Variants in KLRG1 observed in about 807,000 individuals in gnomAD.
KLRG1 encodes killer cell lectin like receptor G1.
In KLRG1, 16 loss-of-function variants were observed where a neutral mutation model predicts 21.8. That is an observed-to-expected ratio of 0.73 (90% CI 0.50 to 1.11). The LOEUF (loss-of-function observed/expected upper bound fraction) is 1.11. Ranked by LOEUF, KLRG1 falls within the 50% of genes most tolerant of loss-of-function variation. The probability of loss-of-function intolerance (pLI) is 0.00; values close to 1 mark genes in which losing one functional copy is unlikely to be tolerated. For missense variants in KLRG1, 173 were observed against 218.3 expected (o/e 0.79, Z 1.31); for synonymous variants, 69 against 75.9 (o/e 0.91, Z 0.47).
At chr12:9,108,810 G>A in the KLRG1 span, among the ~76,000 whole-genome samples, 2 of 152,320 alleles carry the variant, frequency 1.3e-5, no homozygotes, top group Non-Finnish European at 2.9e-5. Context: ...ATGTAGACCC[G>A]CCTTAGGTGG....
the KLRG1 span, chr12:9,196,916 G>C: frequency 1.9e-6 from 2 of 1,030,834 alleles, no homozygotes; most frequent in South Asian, 3.0e-5. Context: ...GATATTTTGC[G>C]ACAAGCTTGT....
chr12:9,207,804 G>A, the KLRG1 span, among the ~76,000 whole-genome samples: 3 of 152,144 alleles, frequency 2.0e-5, no homozygotes, highest in Non-Finnish European at 4.4e-5. Context: ...AACTGGATAG[G>A]GTTAAAATTA....
the KLRG1 span, chr12:9,093,442 T>C: frequency 2.7e-6 from 4 of 1,460,580 alleles, no homozygotes; most frequent in African/African-American, 5.6e-5. Flanking sequence ...TGTTGCATAT[T>C]GCATATGCAG....
At chr12:9,019,700 C>A in the KLRG1 span, among the ~76,000 whole-genome samples, 2 of 152,294 alleles carry the variant, frequency 1.3e-5, no homozygotes, top group Admixed American at 1.3e-4. Context: ...GCTCTACCAT[C>A]TACTCAGTTG....
the KLRG1 span, among the ~76,000 whole-genome samples, chr12:9,147,681 C>G: frequency 6.6e-6 from 1 of 152,150 alleles, no homozygotes; most frequent in Non-Finnish European, 1.5e-5. Context: ...CTTCACTTCT[C>G]CACTCATGTA....
the KLRG1 span, among the ~76,000 whole-genome samples, chr12:9,025,345 A>G: frequency 6.6e-6 from 1 of 152,174 alleles, no homozygotes; most frequent in African/African-American, 2.4e-5. Flanking sequence ...TTAAAAATGC[A>G]TGTGGGTGTG....
the KLRG1 span, among the ~76,000 whole-genome samples, chr12:9,070,127 C>T: frequency 6.6e-6 from 1 of 152,052 alleles, no homozygotes. Context: ...TCCTGTTTTG[C>T]TTGCTCTATT....
At chr12:9,125,773 C>A in the KLRG1 span, among the ~76,000 whole-genome samples, 1 of 152,192 alleles carries the variant, frequency 6.6e-6, no homozygotes, top group Non-Finnish European at 1.5e-5. Context: ...CTTGCTCTAA[C>A]GCCCAGGCTG....
At chr12:8,968,251 AC>A (rs944079569) in intron 1 of KLRG1, among the ~76,000 whole-genome samples, 6 of 146,522 alleles carry the variant, frequency 4.1e-5, no homozygotes, top group Admixed American at 2.1e-4. Context: ...CAAAAAAAAA[AC>A]CACACTGAAA....
the KLRG1 span, among the ~76,000 whole-genome samples, chr12:9,075,220 G>T: frequency 6.6e-6 from 1 of 152,084 alleles, no homozygotes; most frequent in African/African-American, 2.4e-5. Context: ...AAAAAATACA[G>T]TAATCCTTGA....
chr12:9,109,961 G>A, the KLRG1 span: 14 of 1,613,776 alleles, frequency 8.7e-6, no homozygotes, highest in Non-Finnish European at 1.2e-5. Context: ...CTGATGAGAG[G>A]GGAAAAGAAA....
At chr12:9,203,693 G>GCT in the KLRG1 span, 1 of 1,531,212 alleles carries the variant, frequency 6.5e-7, no homozygotes, top group Non-Finnish European at 8.9e-7. Context: ...GCACACCAGA[G>GCT]CTCCATCACC....
At chr12:9,028,088 A>T in the KLRG1 span, 1 of 1,158,974 alleles carries the variant, frequency 8.6e-7, no homozygotes, top group Non-Finnish European at 1.3e-6. Context: ...TCATGATTTC[A>T]ATCACTTCAA....
the KLRG1 span, chr12:9,151,638 A>C: frequency 1.2e-6 from 2 of 1,614,012 alleles, no homozygotes; most frequent in Non-Finnish European, 1.7e-6. Flanking sequence ...GTTGTTGCTC[A>C]CTTCTGTCCG....
the KLRG1 span, chr12:9,068,612 C>T: frequency 1.3e-6 from 1 of 787,450 alleles, no homozygotes; most frequent in Non-Finnish European, 2.1e-6. Flanking sequence ...GGGCATCAGA[C>T]TTGATGGAGA....
chr12:8,977,517 A>T (rs991836422), intron 1 of KLRG1, among the ~76,000 whole-genome samples: 1 of 151,928 alleles, frequency 6.6e-6, no homozygotes, highest in African/African-American at 2.4e-5. Flanking sequence ...CCTGGCCTAG[A>T]TCTTGAGTTT....
the KLRG1 span, among the ~76,000 whole-genome samples, chr12:9,190,907 T>C: frequency 6.6e-6 from 1 of 152,142 alleles, no homozygotes; most frequent in Admixed American, 6.6e-5. Flanking sequence ...GTGAATAAAA[T>C]TTGTTCTTTT....
the KLRG1 span, among the ~76,000 whole-genome samples, chr12:9,044,391 G>A: frequency 1.3e-5 from 2 of 152,164 alleles, no homozygotes; most frequent in Non-Finnish European, 2.9e-5. Context: ...CAGGCTTGGC[G>A]TGGTGGCTCA....
intron 1 of KLRG1, among the ~76,000 whole-genome samples, chr12:8,969,552 A>G (rs183152054): frequency 1.3e-5 from 2 of 152,268 alleles, no homozygotes; most frequent in East Asian, 3.9e-4. Context: ...AAAGTCTCAA[A>G]TCAATGATCT....
Sources: allele counts gnomAD v4.1 joint callset (sites outside exome capture counted in the v4.1 genomes callset), GRCh38; gene constraint gnomAD v4.1.1; transcripts MANE v1.5; gene names NCBI Gene and HGNC (gene_info 2026-07-23, HGNC 2026-07-21).